The following ASCC3 variants were observed in gnomAD, a reference collection of about 807,000 sequenced individuals.
The protein encoded by ASCC3 is activating signal cointegrator 1 complex subunit 3.
ASCC3 carries 158 observed loss-of-function variants against 256.3 expected under a neutral mutation model. The ratio of observed to expected loss-of-function variants is 0.62; its 90% CI spans 0.54 to 0.70. The LOEUF (loss-of-function observed/expected upper bound fraction) is 0.70. Ranked by LOEUF, ASCC3 falls within the 30% of genes least tolerant of loss-of-function variation. The pLI is 0.00. For synonymous variants in ASCC3, 948 were observed against 883.4 expected, an observed-to-expected ratio of 1.07 and a Z score of -1.30; for missense variants, 2,259 against 2,626.0, an observed-to-expected ratio of 0.86 and a Z score of 3.05.
intron 12 of ASCC3, 121 bp downstream of exon 12, chr6:100,717,954 G>T: frequency 1.2e-6 from 1 of 826,596 alleles, no homozygotes; most frequent in Non-Finnish European, 1.9e-6. Context: ...TTCTGCAAAA[G>T]GCCATTTCAG....
chr6:100,655,632 T>A, intron 17 of ASCC3, 67 bp downstream of exon 17: 1 of 1,539,686 alleles, frequency 6.5e-7, no homozygotes, highest in Admixed American at 1.7e-5. Context: ...AACAAATATC[T>A]ATCCTCATAT....
chr6:100,756,315 G>C (rs1781177145), intron 10 of ASCC3, among the ~76,000 whole-genome samples: 1 of 151,666 alleles, frequency 6.6e-6, no homozygotes, highest in African/African-American at 2.4e-5. Context: ...TTCTTCCTTA[G>C]AGGTAATGTA....
intron 4 of ASCC3, among the ~76,000 whole-genome samples, chr6:100,826,012 C>A (rs149192759): frequency 6.6e-6 from 1 of 151,970 alleles, no homozygotes; most frequent in Non-Finnish European, 1.5e-5. Context: ...CTGAACACAG[C>A]ACAAAATGGT....
intron 10 of ASCC3, among the ~76,000 whole-genome samples, chr6:100,760,697 T>C (rs1388867432): frequency 6.6e-6 from 1 of 152,146 alleles, no homozygotes; most frequent in African/African-American, 2.4e-5. Flanking sequence ...TAAAAACTAA[T>C]TGGAAGAGCT....
intron 13 of ASCC3, among the ~76,000 whole-genome samples, chr6:100,688,161 G>T (rs2114979635): frequency 6.6e-6 from 1 of 151,532 alleles, no homozygotes; most frequent in South Asian, 2.1e-4. Flanking sequence ...ATGGCTTGAA[G>T]AAATATTTTT....
intron 36 of ASCC3, among the ~76,000 whole-genome samples, chr6:100,579,615 T>C (rs987380978): frequency 1.3e-5 from 2 of 151,792 alleles, no homozygotes; most frequent in African/African-American, 4.8e-5. Context: ...TTCCCATTTT[T>C]TTTGGTTAAC....
intron 8 of ASCC3, among the ~76,000 whole-genome samples, chr6:100,792,037 T>C (rs1284603200): frequency 6.6e-6 from 1 of 151,944 alleles, no homozygotes; most frequent in African/African-American, 2.4e-5. Flanking sequence ...TGGCTTCCTA[T>C]AAATTATTAT....
intron 36 of ASCC3, among the ~76,000 whole-genome samples, chr6:100,576,070 C>G (rs1249304183): frequency 1.3e-5 from 2 of 151,912 alleles, no homozygotes; most frequent in Non-Finnish European, 2.9e-5. Context: ...CCACGTAATC[C>G]CTGTTGCCAA....
chr6:100,781,631 A>G (rs9322186), intron 8 of ASCC3, among the ~76,000 whole-genome samples: 141,695 of 150,644 alleles, frequency 0.94, 66,950 homozygotes, highest in South Asian at 0.99. Context: ...CTCGTGATCT[A>G]CCTGCCTCGG....
intron 37 of ASCC3, among the ~76,000 whole-genome samples, chr6:100,523,031 TC>T (rs566347467): frequency 6.7e-6 from 1 of 148,704 alleles, no homozygotes; most frequent in South Asian, 2.2e-4. Flanking sequence ...TGTGAAGTTT[TC>T]CTGACAAGAC....
intron 21 of ASCC3, 53 bp downstream of exon 21, chr6:100,647,172 AC>A: frequency 6.9e-7 from 1 of 1,446,930 alleles, no homozygotes; most frequent in East Asian, 2.3e-5. Context: ...ACACCCAGCA[AC>A]ATATTTTATT....
At chr6:100,583,062 G>C (rs531171225) in intron 36 of ASCC3, among the ~76,000 whole-genome samples, 18 of 151,980 alleles carry the variant, frequency 1.2e-4, no homozygotes, top group Admixed American at 7.2e-4. Context: ...TTTGGTTGTG[G>C]CTCTGCCAGG....
intron 34 of ASCC3, among the ~76,000 whole-genome samples, chr6:100,592,823 G>T (rs976418120): frequency 6.6e-6 from 1 of 152,022 alleles, no homozygotes. Flanking sequence ...ACTCTCCACA[G>T]TACAAAATTT....
rs1772510504 is a variant in ASCC3 at position 100,848,682 on chromosome 6, T to G, written c.267A>C (p.Ala89=). ...AGAGAAATGCAGCCCCACTTTCAAT[T>G]GCTTCTCTCCCATTATCAGTTCCAA... is the stretch of plus-strand genomic sequence containing the variant. ...QIVGTDNGRE[A]IESGAAFLFM... Residue 89 remains alanine (A), a synonymous_variant, in exon 4 of 42, where the codon GCA becomes GCC. Coordinates refer to ENST00000369162, the MANE Select transcript of ASCC3 (RefSeq NM_006828.4). 2 of 1,613,080 alleles carry G rather than the reference T, an allele frequency of 1.2e-6. No homozygotes were observed. The highest frequency in any genetic ancestry group is 1.7e-6 in the Non-Finnish European group (2 of 1,180,016).
At chr6:100,592,471 T>C (rs972149162) in intron 34 of ASCC3, among the ~76,000 whole-genome samples, 11 of 152,062 alleles carry the variant, frequency 7.2e-5, no homozygotes, top group African/African-American at 2.4e-4. Flanking sequence ...CTTATAAAAG[T>C]AAGATATTGT....
intron 13 of ASCC3, among the ~76,000 whole-genome samples, chr6:100,697,069 A>G (rs1418182124): frequency 6.6e-6 from 1 of 152,138 alleles, no homozygotes; most frequent in African/African-American, 2.4e-5. Flanking sequence ...AACACATTTT[A>G]TATAACAACT....
chr6:100,658,202 C>A (rs1776010754), intron 16 of ASCC3, among the ~76,000 whole-genome samples: 1 of 151,480 alleles, frequency 6.6e-6, no homozygotes, highest in Non-Finnish European at 1.5e-5. Context: ...AGAAAAACAT[C>A]TAACATGACA....
chr6:100,530,613 A>G, intron 37 of ASCC3: 1 of 797,890 alleles, frequency 1.3e-6, no homozygotes, highest in South Asian at 1.3e-5. Context: ...CAGAGCAGCA[A>G]TACAGTGTGA....
intron 13 of ASCC3, among the ~76,000 whole-genome samples, chr6:100,697,993 T>A (rs1461093191): frequency 6.6e-6 from 1 of 152,122 alleles, no homozygotes; most frequent in Non-Finnish European, 1.5e-5. Context: ...GCTCTTTCAG[T>A]TTGTGCAGTA....
Sources: allele counts gnomAD v4.1 joint callset (sites outside exome capture counted in the v4.1 genomes callset), GRCh38; gene constraint gnomAD v4.1.1; transcripts MANE v1.5; gene names NCBI Gene and HGNC (gene_info 2026-07-23, HGNC 2026-07-21).